Variants in SEMA6D observed in about 807,000 individuals in gnomAD.
SEMA6D encodes the protein semaphorin 6D, also known as semaphorin-6D.
Under a neutral mutation model 106.6 loss-of-function variants are expected in SEMA6D, and 35 were observed. The ratio of observed to expected loss-of-function variants is 0.33; its 90% CI spans 0.25 to 0.44. The LOEUF is 0.44. SEMA6D is among the 20% of genes least tolerant of loss of function. The pLI, the probability that SEMA6D is intolerant of heterozygous loss-of-function variation, is 1.00. For missense variants in SEMA6D, 1,185 were observed against 1,345.9 expected, an observed-to-expected ratio of 0.88 and a Z score of 1.87; for synonymous variants, 499 against 487.7, an observed-to-expected ratio of 1.02 and a Z score of -0.31.
intron 4 of SEMA6D, among the ~76,000 whole-genome samples, chr15:47,705,400 G>T (rs957317826): frequency 1.3e-5 from 2 of 152,050 alleles, no homozygotes; most frequent in South Asian, 4.2e-4. Context: ...TAAACTTCAC[G>T]TTAAACATTA....
chr15:47,638,108 CTTA>C (rs903177684), intron 4 of SEMA6D, among the ~76,000 whole-genome samples: 1 of 127,624 alleles, frequency 7.8e-6, no homozygotes, highest in Non-Finnish European at 1.6e-5. Context: ...TTTTGTGTAT[CTTA>C]GACAAAAAAA....
chr15:47,502,037 T>C (rs1382911282), intron 3 of SEMA6D, among the ~76,000 whole-genome samples: 2 of 152,128 alleles, frequency 1.3e-5, no homozygotes, highest in Non-Finnish European at 2.9e-5. Flanking sequence ...TCAAGAGTAG[T>C]ATAAGGAAAA....
chr15:47,538,996 A>G (rs969929487), intron 3 of SEMA6D, among the ~76,000 whole-genome samples: 2 of 152,182 alleles, frequency 1.3e-5, no homozygotes, highest in African/African-American at 4.8e-5. Context: ...ACATTAAGCT[A>G]AGAATCCTGA....
intron 1 of SEMA6D, among the ~76,000 whole-genome samples, chr15:47,725,619 A>C (rs764390310): frequency 1.1e-4 from 17 of 151,994 alleles, no homozygotes; most frequent in Non-Finnish European, 2.2e-4. Context: ...TAGACATTAG[A>C]GTTCCCAAGC....
chr15:47,628,634 A>G lies in SEMA6D; in HGVS notation c.-55+27738A>G, dbSNP rs540782827. The stretch of plus-strand genomic sequence containing the variant: ...TTTTAATTGTTTTGACATTTTTAAT[A>G]TGTTCTAGATGCTAGTCCTTTGTCA... On this transcript the variant is annotated intron_variant, in intron 4 of 19. Transcript: ENST00000558014. Among the ~76,000 whole-genome samples, 6 of 152,140 alleles carry G rather than the reference A, an allele frequency of 3.9e-5. No individual in the cohort carries two copies. The South Asian group carries it at 1.2e-3, about 32-fold the overall frequency.
At chr15:47,765,088 A>G (rs1167196636) in intron 13 of SEMA6D, 32 bp downstream of exon 13, 1 of 1,601,566 alleles carries the variant, frequency 6.2e-7, no homozygotes. Context: ...GCCCTTCAGC[A>G]CTGCTCAAAA....
chr15:47,318,008 C>T (rs947239756), intron 1 of SEMA6D, among the ~76,000 whole-genome samples: 1 of 131,490 alleles, frequency 7.6e-6, no homozygotes, highest in African/African-American at 2.6e-5. Context: ...ACTCTTATTA[C>T]ATTTGTCCCA....
intron 1 of SEMA6D, chr15:47,718,978 A>G (rs902208902): frequency 6.6e-6 from 1 of 152,214 alleles, no homozygotes; most frequent in African/African-American, 2.4e-5. Context: ...GAGGGCTTGA[A>G]GCTTCTTCTG....
intron 2 of SEMA6D, among the ~76,000 whole-genome samples, chr15:47,414,149 A>G (rs1362185028): frequency 6.6e-6 from 1 of 152,228 alleles, no homozygotes; most frequent in Non-Finnish European, 1.5e-5. Context: ...ATAACTTCAC[A>G]CTTTTATGCA....
At chr15:47,220,425 G>T (rs2031082607) in intron 1 of SEMA6D, among the ~76,000 whole-genome samples, 1 of 152,126 alleles carries the variant, frequency 6.6e-6, no homozygotes, top group Admixed American at 6.6e-5. Context: ...TGTGGTTAGA[G>T]TGGCTACCAC....
chr15:47,458,009 T>G (rs1567093410), intron 2 of SEMA6D, among the ~76,000 whole-genome samples: 1 of 151,862 alleles, frequency 6.6e-6, no homozygotes, highest in Admixed American at 6.6e-5. Flanking sequence ...CTTAAAGTAC[T>G]GAAAGAATAA....
At chr15:47,304,433 T>TAAAAAAAAAAAAAAAAAAA (rs56185341) in intron 1 of SEMA6D, among the ~76,000 whole-genome samples, 2 of 93,842 alleles carry the variant, frequency 2.1e-5, no homozygotes, top group African/African-American at 1.2e-4. Flanking sequence ...GCCTTCTAAC[T>TAAAAAAAAAAAAAAAAAAA]AAAAAAAAAA....
At chr15:47,219,789 A>C (rs1228806926) in intron 1 of SEMA6D, among the ~76,000 whole-genome samples, 1 of 152,220 alleles carries the variant, frequency 6.6e-6, no homozygotes, top group African/African-American at 2.4e-5. Context: ...GTGAATCAGC[A>C]ATATAAGCTC....
chr15:47,581,137 C>T (rs961448708), intron 3 of SEMA6D, among the ~76,000 whole-genome samples: 4 of 152,154 alleles, frequency 2.6e-5, no homozygotes, highest in African/African-American at 9.7e-5. Flanking sequence ...TTTCAGGGTA[C>T]AGTAGTATTT....
At chr15:47,316,147 C>G (rs2036668983) in intron 1 of SEMA6D, among the ~76,000 whole-genome samples, 1 of 107,448 alleles carries the variant, frequency 9.3e-6, no homozygotes, top group African/African-American at 4.1e-5. Context: ...GGCTGGAGTG[C>G]AGTAGTGTGA....
intron 3 of SEMA6D, among the ~76,000 whole-genome samples, chr15:47,560,728 T>C (rs1345757290): frequency 6.6e-6 from 1 of 152,076 alleles, no homozygotes; most frequent in Non-Finnish European, 1.5e-5. Flanking sequence ...ACATTGAGTC[T>C]TTGCAAATGA....
chr15:47,498,377 A>T (rs1295534611), intron 3 of SEMA6D, among the ~76,000 whole-genome samples: 2 of 152,064 alleles, frequency 1.3e-5, no homozygotes, highest in African/African-American at 4.8e-5. Context: ...GGTACCTCTT[A>T]TCCCCTTTCT....
chr15:47,651,810 A>T (rs1306945125), intron 4 of SEMA6D, among the ~76,000 whole-genome samples: 1 of 152,166 alleles, frequency 6.6e-6, no homozygotes, highest in East Asian at 1.9e-4. Flanking sequence ...AATTGTTTCC[A>T]TTTAAGACTC....
rs1378916954 is a variant in SEMA6D at position 47,727,869 on chromosome 15, G to T, written c.-55+10177G>T. 2.6e-5 allele frequency among the ~76,000 whole-genome samples: 4 copies of T among 152,174 alleles called. 1 individual carries two copies. Among genetic ancestry groups the T allele is most frequent in the Admixed American group, 1.3e-4 (2 of 15,278 alleles). On this transcript the variant is annotated intron_variant, in intron 1 of 18. Coordinates refer to ENST00000536845, the MANE Select transcript of SEMA6D (RefSeq NM_001358351.3). ...AGGGCATAAGGTGATTGCCTGCTGC[G>T]GTCAGGATGGAATTTTTTCCCTTGT...
Sources: gnomAD v4.1 joint callset for allele counts (sites outside exome capture counted in the v4.1 genomes callset) on GRCh38, gnomAD v4.1.1 for gene constraint, MANE v1.5 for transcripts, NCBI Gene and HGNC (gene_info 2026-07-23, HGNC 2026-07-21) for gene names.